PARP11: variants seen among roughly 807,000 people sequenced by gnomAD.
PARP11 encodes poly(ADP-ribose) polymerase family member 11.
PARP11 carries 31 observed loss-of-function variants against 42.9 expected under a neutral mutation model. The ratio of observed to expected loss-of-function variants is 0.72; its 90% CI spans 0.54 to 0.98. The LOEUF (loss-of-function observed/expected upper bound fraction) is 0.98. Among genes scored for constraint, PARP11 ranks in the 50% least tolerant of loss-of-function variants. The probability of loss-of-function intolerance (pLI) is 0.00; values close to 1 mark genes in which losing one functional copy is unlikely to be tolerated. For missense variants in PARP11, 365 were observed against 413.1 expected, an observed-to-expected ratio of 0.88 and a Z score of 1.01; for synonymous variants, 137 against 127.3, an observed-to-expected ratio of 1.08 and a Z score of -0.51.
intron 4 of PARP11, among the ~76,000 whole-genome samples, 164 bp from the exon 5 acceptor site, chr12:3,822,321 G>C (rs1287119496): frequency 6.6e-6 from 1 of 151,968 alleles, no homozygotes; most frequent in Non-Finnish European, 1.5e-5. Context: ...ACTGTCGGCC[G>C]GGCGCGGTGG....
At position 3,873,384 on chromosome 12, in the gene PARP11, C is replaced by G; in HGVS notation, c.-155G>C. ...TCCTCCTCCCCCTCCCTGTCACAAG[C>G]CAGCGTTTACAGACCACCCAACCTC... On this transcript the variant is annotated 5_prime_UTR_variant, in exon 1 of 8. Coordinates refer to ENST00000228820, the MANE Select transcript of PARP11 (RefSeq NM_020367.6). The G allele has an allele frequency of 1.4e-6, 1 of 708,440 alleles. No homozygotes were observed. Among genetic ancestry groups the G allele is most frequent in the Non-Finnish European group, 2.5e-6 (1 of 405,476 alleles). The allele number at this position is 708,440 out of a possible 1,614,324, so 43.9% of individuals were successfully genotyped here.
At position 3,828,907 on chromosome 12, in the gene PARP11, T is replaced by C. The variant is rs764342473; in HGVS notation, c.268+3A>G. The stretch of plus-strand genomic sequence containing the variant: ...CACACAACTATTAGGGAAAAAAACA[T>C]ACCTGCAAAGTCTATCTTGTAGCTG... On this transcript the variant is annotated splice_donor_region_variant and intron_variant, in intron 3 of 7. Transcript: ENST00000228820. 2 of 1,613,298 alleles carry C rather than the reference T, an allele frequency of 1.2e-6. No individual in the cohort carries two copies. Among genetic ancestry groups the C allele is most frequent in the South Asian group, 1.1e-5 (1 of 91,070 alleles).
intron 1 of PARP11, among the ~76,000 whole-genome samples, chr12:3,862,685 C>A (rs2138119902): frequency 6.6e-6 from 1 of 151,746 alleles, no homozygotes; most frequent in Admixed American, 6.6e-5. Flanking sequence ...GTTTCAGCAT[C>A]ATTAGTTAAA....
At chr12:3,839,200 C>G (rs1307738328) in intron 1 of PARP11, among the ~76,000 whole-genome samples, 1 of 149,634 alleles carries the variant, frequency 6.7e-6, no homozygotes, top group Non-Finnish European at 1.5e-5. Flanking sequence ...AGCCCGAGCC[C>G]CAGCCCGAGC....
At chr12:3,825,219 C>T (rs188797525) in intron 4 of PARP11, among the ~76,000 whole-genome samples, 36 of 151,978 alleles carry the variant, frequency 2.4e-4, no homozygotes, top group Admixed American at 8.5e-4. Context: ...TTTTTTCCTT[C>T]AAGTCCATTC....
chr12:3,824,578 T>C, intron 4 of PARP11: 2 of 929,566 alleles, frequency 2.2e-6, no homozygotes, highest in Non-Finnish European at 2.6e-6. Flanking sequence ...TATTGTATCT[T>C]ACCTAAACAG....
At chr12:3,841,895 C>A (rs1185022218) in intron 1 of PARP11, 11 of 1,607,808 alleles carry the variant, frequency 6.8e-6, no homozygotes, top group Non-Finnish European at 9.4e-6. Context: ...TCAGTTTCCA[C>A]AGTAGATGAG....
rs1303413767 is a variant in PARP11, at chr12:3,814,274, A to G, written c.549-86T>C. On this transcript the variant is annotated intron_variant, in intron 6 of 7. Transcript: ENST00000228820. ...TTAATCTTAATGAGCAAGGTTCAATAGAAAGCGTAAAACAGGAAATACTTT... is the reference window on the plus strand; with the variant it reads ...TTAATCTTAATGAGCAAGGTTCAATGGAAAGCGTAAAACAGGAAATACTTT... The G allele has an allele frequency of 7.4e-6, 8 of 1,083,174 alleles. No homozygotes were observed. The Admixed American group carries it at 2.2e-4, about 30-fold the overall frequency. 67.1% of individuals were successfully genotyped at this position (1,083,174 alleles called of 1,614,324 possible).
chr12:3,843,651 C>T (rs1327662900), intron 1 of PARP11, among the ~76,000 whole-genome samples: 2 of 152,192 alleles, frequency 1.3e-5, no homozygotes, highest in Non-Finnish European at 2.9e-5. Flanking sequence ...TAGGTAACAT[C>T]TTCCATTCTG....
chr12:3,870,136 T>C (rs1231020292), intron 1 of PARP11, among the ~76,000 whole-genome samples: 1 of 152,190 alleles, frequency 6.6e-6, no homozygotes, highest in East Asian at 1.9e-4. Context: ...GTAAGTGAAA[T>C]TGTGGTAAGT....
At chr12:3,864,865 T>G (rs144951646) in intron 1 of PARP11, among the ~76,000 whole-genome samples, 1 of 152,310 alleles carries the variant, frequency 6.6e-6, no homozygotes, top group South Asian at 2.1e-4. Flanking sequence ...TTCAGTATCA[T>G]TGATCTTCAC....
At position 3,845,485 on chromosome 12, in the gene PARP11, T is replaced by C. The variant is rs1395183034; in HGVS notation, c.19-15467A>G. Reference sequence around the variant, plus strand: ...GCAATAAAGTTCCTTTCTAACCATTTCTGGTTTAGAAAACATTCAGCCATC... The same window carrying C: ...GCAATAAAGTTCCTTTCTAACCATTCCTGGTTTAGAAAACATTCAGCCATC... On this transcript the variant is annotated intron_variant, in intron 1 of 7. Transcript: ENST00000228820. Among the ~76,000 whole-genome samples, 10 of 152,208 alleles carry C rather than the reference T, an allele frequency of 6.6e-5. No homozygotes were observed. In the East Asian group the frequency reaches 1.9e-3, roughly 29 times the overall value.
At chr12:3,817,723 AGT>A (rs1252273374) in intron 6 of PARP11, among the ~76,000 whole-genome samples, 2 of 152,252 alleles carry the variant, frequency 1.3e-5, no homozygotes, top group Admixed American at 1.3e-4. Flanking sequence ...AACTGGCTAA[AGT>A]GTGTATGCCA....
chr12:3,825,391 T>C (rs906469712), intron 4 of PARP11, among the ~76,000 whole-genome samples: 108 of 152,306 alleles, frequency 7.1e-4, no homozygotes, highest in African/African-American at 2.4e-3. Flanking sequence ...TATGGCTCCC[T>C]TAGTCTCTAC....
At chr12:3,859,421 G>C (rs1352782152) in intron 1 of PARP11, among the ~76,000 whole-genome samples, 1 of 151,936 alleles carries the variant, frequency 6.6e-6, no homozygotes, top group African/African-American at 2.4e-5. Context: ...AAATTAGCCA[G>C]GCGTGGTGGC....
chr12:3,836,931 C>T lies in PARP11; in HGVS notation c.19-6913G>A, dbSNP rs554625374. ...AAAAAGTGAGATTAAGGTGGCCAAC[C>T]AGCTTTCCCACCATCTTGGGTTCCC... On this transcript the variant is annotated intron_variant, in intron 1 of 7. Coordinates refer to ENST00000228820, the MANE Select transcript of PARP11 (RefSeq NM_020367.6). Among the ~76,000 whole-genome samples the T allele has an allele frequency of 1.2e-4, 19 of 152,290 alleles. No individual in the cohort carries two copies. The South Asian group carries it at 3.9e-3, about 32-fold the overall frequency.
Position 3,812,024 on chromosome 12 carries a change from G to GT in PARP11, c.*98dup. 1 of 880,534 alleles carries GT rather than the reference G, an allele frequency of 1.1e-6. No individual in the cohort carries two copies. The highest frequency in any genetic ancestry group is 1.7e-6 in the Non-Finnish European group (1 of 579,698). 54.5% of individuals were successfully genotyped at this position (880,534 alleles called of 1,614,324 possible). On this transcript the variant is annotated 3_prime_UTR_variant, in exon 8 of 8. Coordinates refer to ENST00000228820, the MANE Select transcript of PARP11 (RefSeq NM_020367.6). Reference sequence around the variant, plus strand: ...ACTTTTTTTCATATCTGTTTCAAAAGTATCAGATAATTAACATTTAGTGGC... The same window carrying GT: ...ACTTTTTTTCATATCTGTTTCAAAAGTTATCAGATAATTAACATTTAGTGGC...
chr12:3,831,386 T>C (rs1947635532), intron 1 of PARP11, among the ~76,000 whole-genome samples: 1 of 152,178 alleles, frequency 6.6e-6, no homozygotes, highest in East Asian at 1.9e-4. Flanking sequence ...CTGGGTAATT[T>C]AGAAAATATT....
intron 1 of PARP11, among the ~76,000 whole-genome samples, chr12:3,864,729 T>C (rs1485530583): frequency 6.6e-6 from 1 of 152,216 alleles, no homozygotes. Context: ...ATCCTTTTAA[T>C]GTCTTTAGAA....
Sources: allele counts gnomAD v4.1 joint callset (sites outside exome capture counted in the v4.1 genomes callset), GRCh38; gene constraint gnomAD v4.1.1; transcripts MANE v1.5; gene names NCBI Gene and HGNC (gene_info 2026-07-23, HGNC 2026-07-21).